The following CDC42BPG variants were observed in gnomAD, a reference collection of about 807,000 sequenced individuals.
CDC42BPG encodes serine/threonine-protein kinase MRCK gamma.
In CDC42BPG, 157 loss-of-function variants were observed where a neutral mutation model predicts 192.2. That is an observed-to-expected ratio of 0.82 (90% CI 0.72 to 0.93). CDC42BPG has a LOEUF of 0.93. CDC42BPG is among the 40% of genes least tolerant of loss of function. The pLI is 0.00. For missense variants in CDC42BPG, 1,992 were observed against 2,122.1 expected (o/e 0.94, Z 1.20); for synonymous variants, 981 against 918.5 (o/e 1.07, Z -1.23).
At chr11:64,837,495 C>G in intron 9 of CDC42BPG, among the ~76,000 whole-genome samples, 1 of 152,238 alleles carries the variant, frequency 6.6e-6, no homozygotes, top group East Asian at 1.9e-4. Context: ...CAGAGTCGCT[C>G]TGTCACCCAG....
chr11:64,825,411 C>G (rs1213781913), intron 36 of CDC42BPG, among the ~76,000 whole-genome samples: 2 of 152,096 alleles, frequency 1.3e-5, no homozygotes, highest in African/African-American at 4.8e-5. Flanking sequence ...AAAGGTGGCA[C>G]CAGCCCCAGG....
At position 64,835,452 on chromosome 11, in the gene CDC42BPG, C is replaced by T. The variant is rs138968644; in HGVS notation, c.1881-33G>A. ...GGAGAAGGCCAAGGCCGTGACTCACCGCCCAGGCCAGGCCCGGCCCCTCCC... is the reference window on the plus strand; with the variant it reads ...GGAGAAGGCCAAGGCCGTGACTCACTGCCCAGGCCAGGCCCGGCCCCTCCC... On this transcript the variant is annotated intron_variant, in intron 15 of 36. Coordinates refer to ENST00000342711, the MANE Select transcript of CDC42BPG (RefSeq NM_017525.3). The T allele has an allele frequency of 2.8e-5, 45 of 1,612,310 alleles. No individual in the cohort carries two copies. The East Asian group carries it at 8.0e-4, about 29-fold the overall frequency.
At chr11:64,831,020 C>G (rs1592692682) in intron 28 of CDC42BPG, among the ~76,000 whole-genome samples, 1 of 152,168 alleles carries the variant, frequency 6.6e-6, no homozygotes, top group African/African-American at 2.4e-5. Context: ...GAGTTCGAGA[C>G]CAGCCTGGCC....
chr11:64,824,389 C>G lies in CDC42BPG; in HGVS notation c.*84G>C, dbSNP rs570892636. On this transcript the variant is annotated 3_prime_UTR_variant, in exon 37 of 37. Transcript: ENST00000342711. ...TGAGTCCGAATTTCCATGTCCCGGA[C>G]CAGCCGGAGTATGGCATTCCTCAAG... is the stretch of plus-strand genomic sequence containing the variant. 3.0e-6 allele frequency: 3 copies of G among 993,650 alleles called. No homozygotes were observed. The highest frequency in any genetic ancestry group is 4.9e-6 in the Non-Finnish European group (3 of 612,376). 61.6% of individuals were successfully genotyped at this position (993,650 alleles called of 1,614,324 possible).
intron 1 of CDC42BPG, 49 bp from the exon 2 acceptor site, chr11:64,841,953 T>G: frequency 7.0e-7 from 1 of 1,433,312 alleles, no homozygotes; most frequent in Non-Finnish European, 9.6e-7. Flanking sequence ...GAGGGCTCCA[T>G]TCCCCCTCTC....
intron 27 of CDC42BPG, 97 bp downstream of exon 27, chr11:64,832,331 G>A: frequency 3.2e-6 from 4 of 1,262,296 alleles, no homozygotes; most frequent in East Asian, 5.0e-5. Flanking sequence ...TTGTGGGCTG[G>A]CCCAAGAGGG....
At position 64,824,501 on chromosome 11, in the gene CDC42BPG, AGGGGGAGGCTTC is replaced by A; in HGVS notation, c.4616_4627del (p.Arg1539_Pro1542del). The stretch of plus-strand genomic sequence containing the variant: ...AGGAGAGCTCTCCAATTCAGGGGAT[AGGGGGAGGCTTC>A]GGGGCCGTTCTGAGACCTGCAGGAG... On this transcript the variant is annotated inframe_deletion, in exon 37 of 37. Coordinates refer to ENST00000342711, the MANE Select transcript of CDC42BPG (RefSeq NM_017525.3). The A allele has an allele frequency of 6.2e-7, 1 of 1,607,826 alleles. No homozygotes were observed.
At chr11:64,834,616 G>T (rs530735843) in intron 18 of CDC42BPG, 39 bp from the exon 19 acceptor site, 1 of 1,502,560 alleles carries the variant, frequency 6.7e-7, no homozygotes, top group Non-Finnish European at 8.9e-7. Flanking sequence ...TGCTTTCTAG[G>T]CCTGGCTGCC....
At position 64,838,665 on chromosome 11, in the gene CDC42BPG, G is replaced by C. The variant is rs372081240; in HGVS notation, c.1114C>G (p.Leu372Val). The change falls in exon 8 of 37, where the codon CTC becomes GTC. Residue 372 changes from leucine (L) to valine (V), a missense_variant. Physicochemically the swap from Leu to Val is conservative, Grantham distance 32 (BLOSUM62 1). Transcript: ENST00000342711. ...TSNFDVDDDTLNHPGTLPPPS... is the reference protein window; with the variant it reads ...TSNFDVDDDTVNHPGTLPPPS... Reference sequence around the variant, plus strand: ...CCTTTGCCACTCACTGGATGGTTGAGGGTGTCGTCATCCACATCAAAGTTG... The same window carrying C: ...CCTTTGCCACTCACTGGATGGTTGACGGTGTCGTCATCCACATCAAAGTTG... The C allele has an allele frequency of 1.2e-6, 2 of 1,612,868 alleles. No individual in the cohort carries two copies. Among genetic ancestry groups the C allele is most frequent in the South Asian group, 2.2e-5 (2 of 91,062 alleles).
At chr11:64,838,589 G>A (rs2136367565) in intron 8 of CDC42BPG, 65 bp downstream of exon 8, 1 of 1,591,406 alleles carries the variant, frequency 6.3e-7, no homozygotes, top group Admixed American at 1.7e-5. Context: ...ACTTCAGAGG[G>A]AGGGTTCCCC....
In CDC42BPG at chr11:64,840,621, C is replaced by T; in HGVS notation, c.364G>A (p.Val122Met). Reference protein sequence around the residue: ...ETACFREERDVLVKGDSRWVT... With the variant: ...ETACFREERDMLVKGDSRWVT... ...CAACGGCTGTCCCCTTTCACGAGCA[C>T]ATCCCGCTCCTCCCGGAAACAGGCT... Residue 122 changes from valine (V) to methionine (M), a missense_variant, in exon 4 of 37, where the codon GTG (valine) becomes ATG (methionine). This residue lies in a region of CDC42BPG where 1,656 missense variants were observed against 1,844.3 expected (regional missense o/e 0.90). Coordinates refer to ENST00000342711, the MANE Select transcript of CDC42BPG (RefSeq NM_017525.3). 6.2e-7 allele frequency: 1 copy of T among 1,613,930 alleles called. No individual in the cohort carries two copies. Among genetic ancestry groups the T allele is most frequent in the Non-Finnish European group, 8.5e-7 (1 of 1,180,020 alleles).
At chr11:64,842,804 C>T (rs1450556310) in intron 1 of CDC42BPG, among the ~76,000 whole-genome samples, 1 of 152,170 alleles carries the variant, frequency 6.6e-6, no homozygotes, top group Non-Finnish European at 1.5e-5. Context: ...AGTGATCAGT[C>T]AGGATGGGGG....
rs1234334886 is a variant in CDC42BPG at position 64,834,550 on chromosome 11, G to T, written c.2203C>A (p.Gln735Lys). The T allele has an allele frequency of 3.2e-6, 5 of 1,582,222 alleles. No individual in the cohort carries two copies. Among genetic ancestry groups the T allele is most frequent in the Non-Finnish European group, 4.3e-6 (5 of 1,160,690 alleles). ...AGCCTGGCCGAGGCCTCCATCTTCTGCAGTCGCCGCGCCTTCCACTGGTGG... is the reference window on the plus strand; with the variant it reads ...AGCCTGGCCGAGGCCTCCATCTTCTTCAGTCGCCGCGCCTTCCACTGGTGG... ...LDHQWKARRLQKMEASARLEL... is the reference protein window; with the variant it reads ...LDHQWKARRLKKMEASARLEL... The change falls in exon 19 of 37, where the codon CAG (glutamine) becomes AAG (lysine). Residue 735 changes from glutamine to lysine, a missense_variant. Around this residue, in one of 2 missense-constraint regions of CDC42BPG, gnomAD observed 1,656 missense variants for 1,844.3 expected, o/e 0.90. Coordinates refer to ENST00000342711, the MANE Select transcript of CDC42BPG (RefSeq NM_017525.3).
chr11:64,834,596 C>T lies in CDC42BPG; in HGVS notation c.2176-19G>A, dbSNP rs1415970238. ...GGTGGTCCTGGTGGCCACGGAGCAC[C>T]CGTATAAGATGCTTTCTAGGCCTGG... On this transcript the variant is annotated intron_variant, in intron 18 of 36. Transcript: ENST00000342711. 6 of 1,536,492 alleles carry T rather than the reference C, an allele frequency of 3.9e-6. No individual in the cohort carries two copies. In the African/African-American group the frequency reaches 4.1e-5, roughly 11 times the overall value.
chr11:64,833,042 G>C (rs558162046), intron 24 of CDC42BPG, 83 bp from the exon 25 acceptor site: 236 of 1,457,878 alleles, frequency 1.6e-4, no homozygotes, highest in Non-Finnish European at 2.1e-4. Context: ...TCCAGAGCCA[G>C]CTTCCCTGAA....
rs757578713 is a variant in CDC42BPG, at chr11:64,833,842, G to A, written c.2467-6C>T. Reference sequence around the variant, plus strand: ...GGGTCCTTGGCAGAATCCTTCTGGGGGTGGGAGAGAGAGGAGCAAAGTCAA... The same window carrying A: ...GGGTCCTTGGCAGAATCCTTCTGGGAGTGGGAGAGAGAGGAGCAAAGTCAA... On this transcript the variant is annotated splice_polypyrimidine_tract_variant and splice_region_variant and intron_variant, in intron 21 of 36. Transcript: ENST00000342711. 6.2e-7 allele frequency: 1 copy of A among 1,614,250 alleles called. No individual in the cohort carries two copies. The highest frequency in any genetic ancestry group is 8.5e-7 in the Non-Finnish European group (1 of 1,180,032).
chr11:64,835,588 C>A lies in CDC42BPG; in HGVS notation c.1792G>T (p.Gly598Ter). 6.3e-7 allele frequency: 1 copy of A among 1,578,650 alleles called. No individual in the cohort carries two copies. Among genetic ancestry groups the A allele is most frequent in the Admixed American group, 1.7e-5 (1 of 57,180 alleles). Reference protein sequence around the residue: ...IHTASETNGMGPPEGGPQEAQ... With the variant: ...IHTASETNGM ...TCCTGAGGCCCACCCTCAGGGGGTC[C>A]CATCCCGTTGGTCTCAGAGGCTGTG... The change falls in exon 15 of 37, where the codon GGA (glycine) becomes TGA (stop). Residue 598 changes from glycine to a stop codon, truncating the protein, a stop_gained. Transcript: ENST00000342711. LOFTEE classifies it high-confidence loss of function.
intron 9 of CDC42BPG, among the ~76,000 whole-genome samples, chr11:64,837,644 T>A (rs1364314382): frequency 6.6e-6 from 1 of 152,112 alleles, no homozygotes; most frequent in Non-Finnish European, 1.5e-5. Flanking sequence ...GTATTTTTAG[T>A]AGAGATGGGG....
At chr11:64,829,051 C>CAAACA (rs762921967) in intron 30 of CDC42BPG, among the ~76,000 whole-genome samples, 2 of 151,844 alleles carry the variant, frequency 1.3e-5, no homozygotes, top group African/African-American at 4.8e-5. Context: ...TCCTCTGTCT[C>CAAACA]AAACAAAACA....
Sources: gnomAD v4.1 joint callset for allele counts (sites outside exome capture counted in the v4.1 genomes callset) on GRCh38, gnomAD v4.1.1 for gene constraint, gnomAD v4.1.1 regional missense constraint, MANE v1.5 for transcripts, NCBI Gene and HGNC (gene_info 2026-07-23, HGNC 2026-07-21) for gene names.